Variants in ADGRE3 observed in about 807,000 individuals in gnomAD.
The protein encoded by ADGRE3 is EGF-like module receptor 3.
A neutral mutation model predicts 80.1 loss-of-function variants in ADGRE3; 88 were observed. The ratio of observed to expected loss-of-function variants is 1.10; its 90% CI spans 0.93 to 1.31. The LOEUF is 1.31. ADGRE3 is among the 40% of genes most tolerant of loss of function. ADGRE3 has a pLI of 0.00. For missense variants in ADGRE3, 715 were observed against 776.5 expected (o/e 0.92, Z 0.94); for synonymous variants, 281 against 294.8 (o/e 0.95, Z 0.48).
intron 3 of ADGRE3, among the ~76,000 whole-genome samples, chr19:14,663,002 T>C (rs1971995723): frequency 6.7e-6 from 1 of 149,262 alleles, no homozygotes; most frequent in Non-Finnish European, 1.5e-5. Flanking sequence ...GAGGCTGCAG[T>C]GAGTGTTTTT....
intron 1 of ADGRE3, among the ~76,000 whole-genome samples, chr19:14,669,173 A>C (rs976249381): frequency 6.6e-6 from 1 of 152,204 alleles, no homozygotes; most frequent in Non-Finnish European, 1.5e-5. Flanking sequence ...AGTGTCCACC[A>C]ACAGTTGACT....
At chr19:14,600,888 CTTCTTTTTTT>C in the ADGRE3 span, among the ~76,000 whole-genome samples, 5 of 116,054 alleles carry the variant, frequency 4.3e-5, 1 homozygote, top group East Asian at 1.2e-3. Flanking sequence ...CACGCTCGGC[CTTCTTTTTTT>C]TTTTTTTTTT....
chr19:14,634,054 G>A (rs960113046), intron 11 of ADGRE3, among the ~76,000 whole-genome samples: 2 of 152,082 alleles, frequency 1.3e-5, no homozygotes, highest in Middle Eastern at 3.2e-3. Flanking sequence ...TGGGATTACA[G>A]GCGTGAGCCA....
intron 13 of ADGRE3, 127 bp downstream of exon 13, chr19:14,632,794 G>T: frequency 1.7e-6 from 1 of 593,540 alleles, no homozygotes; most frequent in Non-Finnish European, 3.1e-6. Flanking sequence ...CATTAACTGT[G>T]ATGGTGGAAG....
intron 14 of ADGRE3, among the ~76,000 whole-genome samples, chr19:14,629,090 GTTTTGTAGTT>G (rs1309114095): frequency 6.6e-6 from 1 of 151,778 alleles, no homozygotes; most frequent in African/African-American, 2.4e-5. Flanking sequence ...CCGGGTAATT[GTTTTGTAGTT>G]TTTAGTAGAG....
chr19:14,667,836 AT>A (rs1450627780), intron 2 of ADGRE3, among the ~76,000 whole-genome samples: 1 of 152,242 alleles, frequency 6.6e-6, no homozygotes, highest in Non-Finnish European at 1.5e-5. Flanking sequence ...AATAAAAAAA[AT>A]AAATTTACGA....
intron 15 of ADGRE3, among the ~76,000 whole-genome samples, chr19:14,620,949 G>T (rs1970590096): frequency 6.6e-6 from 1 of 151,922 alleles, no homozygotes; most frequent in Non-Finnish European, 1.5e-5. Context: ...GGATTATCTG[G>T]GAAACCTTTC....
At chr19:14,620,561 TATA>T (rs1970565679) in intron 15 of ADGRE3, among the ~76,000 whole-genome samples, 1 of 39,250 alleles carries the variant, frequency 2.5e-5, no homozygotes, top group Non-Finnish European at 4.4e-5. Context: ...TATATATATA[TATA>T]TATATTTTTT....
chr19:14,633,320 A>T lies in ADGRE3; in HGVS notation c.1485-18T>A. The T allele has an allele frequency of 4.4e-6, 7 of 1,580,964 alleles. 1 individual carries two copies. The South Asian group carries it at 7.8e-5, about 18-fold the overall frequency. On this transcript the variant is annotated intron_variant, in intron 11 of 15. Coordinates refer to ENST00000253673, the MANE Select transcript of ADGRE3 (RefSeq NM_032571.5). Reference sequence around the variant, plus strand: ...GCCAGCATCTAGGAACAGTGGGAAAAGAGATACAAAGAGAGATCAGAGAAA... The same window carrying T: ...GCCAGCATCTAGGAACAGTGGGAAATGAGATACAAAGAGAGATCAGAGAAA...
rs567960599 is a variant in ADGRE3 at position 14,669,337 on chromosome 19, C to T, written c.26-485G>A. Among the ~76,000 whole-genome samples the T allele has an allele frequency of 3.9e-5, 6 of 152,162 alleles. No homozygotes were observed. The South Asian group carries it at 1.0e-3, about 26-fold the overall frequency. On this transcript the variant is annotated intron_variant, in intron 1 of 15. Coordinates refer to ENST00000253673, the MANE Select transcript of ADGRE3 (RefSeq NM_032571.5). ...CAGAAAATCAAATATTGTATGTTCT[C>T]ACTTATATGTGGGAGCTAAGCAGTG... is the stretch of plus-strand genomic sequence containing the variant.
downstream of ADGRE3, among the ~76,000 whole-genome samples, chr19:14,617,359 T>TTTCTTTCA: frequency 8.7e-6 from 1 of 114,776 alleles, no homozygotes; most frequent in African/African-American, 3.3e-5. Flanking sequence ...TCTTTCTTTC[T>TTTCTTTCA]TTCTTTCTTT....
intron 2 of ADGRE3, 174 bp downstream of exon 2, chr19:14,668,626 GCT>G: frequency 5.4e-6 from 3 of 555,350 alleles, no homozygotes; most frequent in Non-Finnish European, 9.7e-6. Context: ...TAAATAAAAG[GCT>G]ATCCATATTT....
At chr19:14,645,595 G>A (rs1322731025) in intron 8 of ADGRE3, among the ~76,000 whole-genome samples, 1 of 151,874 alleles carries the variant, frequency 6.6e-6, no homozygotes. Context: ...GGAGGCGGAG[G>A]TTGCAGTGAG....
At chr19:14,618,248 T>G (rs1220510171), downstream of ADGRE3, among the ~76,000 whole-genome samples, 1 of 152,118 alleles carries the variant, frequency 6.6e-6, no homozygotes, top group Non-Finnish European at 1.5e-5. Context: ...CTTTTTTTTG[T>G]GGTGAGAACA....
At chr19:14,641,735 G>T in intron 9 of ADGRE3, 119 bp from the exon 10 acceptor site, 1 of 1,214,054 alleles carries the variant, frequency 8.2e-7, no homozygotes, top group Non-Finnish European at 1.2e-6. Context: ...GGGACCGTTA[G>T]ACTGCTAATG....
At chr19:14,603,564 A>T in the ADGRE3 span, among the ~76,000 whole-genome samples, 1 of 151,980 alleles carries the variant, frequency 6.6e-6, no homozygotes, top group Non-Finnish European at 1.5e-5. Flanking sequence ...GGTTCAGGCA[A>T]TCCTCCTGAT....
intron 14 of ADGRE3, among the ~76,000 whole-genome samples, chr19:14,629,656 C>T (rs1272337538): frequency 6.6e-6 from 1 of 152,136 alleles, no homozygotes; most frequent in Non-Finnish European, 1.5e-5. Flanking sequence ...GGAGCAAAGG[C>T]AAGCTGAGCT....
chr19:14,656,150 A>T (rs1438068404), intron 5 of ADGRE3, among the ~76,000 whole-genome samples: 1 of 152,048 alleles, frequency 6.6e-6, no homozygotes, highest in East Asian at 1.9e-4. Context: ...GTTCAAGACC[A>T]GTCTGACCAA....
the ADGRE3 span, among the ~76,000 whole-genome samples, chr19:14,612,493 C>G: frequency 6.6e-6 from 1 of 152,060 alleles, no homozygotes; most frequent in African/African-American, 2.4e-5. Flanking sequence ...CACCACCGTG[C>G]CTGGTTAATT....
Sources: allele counts gnomAD v4.1 joint callset (sites outside exome capture counted in the v4.1 genomes callset), GRCh38; gene constraint gnomAD v4.1.1; transcripts MANE v1.5; gene names NCBI Gene and HGNC (gene_info 2026-07-23, HGNC 2026-07-21).